TNFAIP8: variants seen among roughly 807,000 people sequenced by gnomAD.
TNFAIP8 encodes the protein tumor necrosis factor alpha-induced protein 8.
A neutral mutation model predicts 13.3 loss-of-function variants in TNFAIP8; 7 were observed. That is an observed-to-expected ratio of 0.52 (90% CI 0.30 to 0.99). The LOEUF (loss-of-function observed/expected upper bound fraction) is 0.99. Ranked by LOEUF, TNFAIP8 falls within the 50% of genes least tolerant of loss-of-function variation. TNFAIP8 has a pLI of 0.07. For missense variants in TNFAIP8, 258 were observed against 236.9 expected (o/e 1.09, Z -0.58); for synonymous variants, 94 against 87.6 (o/e 1.07, Z -0.41).
At chr5:119,360,965 T>C (rs1476590963) in intron 1 of TNFAIP8, among the ~76,000 whole-genome samples, 1 of 152,222 alleles carries the variant, frequency 6.6e-6, no homozygotes, top group African/African-American at 2.4e-5. Context: ...AGGTAAACAG[T>C]GAGCTCACTT....
chr5:119,317,995 G>T (rs1260716525), intron 1 of TNFAIP8, among the ~76,000 whole-genome samples: 1 of 152,144 alleles, frequency 6.6e-6, no homozygotes, highest in Admixed American at 6.5e-5. Flanking sequence ...TAAATAAGTT[G>T]TGTTTTTTTC....
chr5:119,286,309 A>G (rs1025299755), intron 1 of TNFAIP8, among the ~76,000 whole-genome samples: 18 of 152,070 alleles, frequency 1.2e-4, no homozygotes, highest in Admixed American at 2.6e-4. Context: ...AGAATAGTCA[A>G]TGGCTCCTAG....
At chr5:119,299,275 A>G (rs1749281689) in intron 1 of TNFAIP8, among the ~76,000 whole-genome samples, 2 of 152,018 alleles carry the variant, frequency 1.3e-5, no homozygotes, top group African/African-American at 4.8e-5. Context: ...TGATGTACAG[A>G]TGGGTTTTTG....
intron 1 of TNFAIP8, among the ~76,000 whole-genome samples, chr5:119,382,239 A>C (rs948604547): frequency 6.6e-6 from 1 of 152,106 alleles, no homozygotes; most frequent in Non-Finnish European, 1.5e-5. Context: ...CATCAGCAAA[A>C]ACTAATGTTT....
At chr5:119,315,340 T>C (rs539139893) in intron 1 of TNFAIP8, among the ~76,000 whole-genome samples, 36 of 152,200 alleles carry the variant, frequency 2.4e-4, no homozygotes, top group Non-Finnish European at 4.3e-4. Flanking sequence ...TATCTTGGCC[T>C]CCCAAAGTGC....
intron 1 of TNFAIP8, among the ~76,000 whole-genome samples, chr5:119,387,863 G>A (rs1325462962): frequency 1.3e-5 from 2 of 152,152 alleles, no homozygotes; most frequent in East Asian, 3.8e-4. Flanking sequence ...TTTTAATGTG[G>A]TGGTAATGCT....
intron 1 of TNFAIP8, among the ~76,000 whole-genome samples, chr5:119,284,484 C>T (rs1393819583): frequency 3.3e-5 from 5 of 151,990 alleles, no homozygotes; most frequent in Non-Finnish European, 7.4e-5. Context: ...AGTTCAAGAC[C>T]AGCTTGACCA....
At chr5:119,306,970 T>A (rs555985407) in intron 1 of TNFAIP8, among the ~76,000 whole-genome samples, 1 of 152,380 alleles carries the variant, frequency 6.6e-6, no homozygotes, top group South Asian at 2.1e-4. Context: ...ACAAATAGGA[T>A]CAAACTACTG....
At chr5:119,360,487 G>C (rs542419687) in intron 1 of TNFAIP8, among the ~76,000 whole-genome samples, 1 of 152,290 alleles carries the variant, frequency 6.6e-6, no homozygotes, top group African/African-American at 2.4e-5. Context: ...AGGAAGGTCT[G>C]TAGTAAGAAG....
intron 1 of TNFAIP8, among the ~76,000 whole-genome samples, chr5:119,332,432 T>C (rs758560435): frequency 3.3e-5 from 5 of 152,110 alleles, no homozygotes; most frequent in Non-Finnish European, 1.5e-5. Flanking sequence ...AACCAGACCT[T>C]GGAGAGTTTG....
At chr5:119,389,408 C>T (rs1196245333) in intron 1 of TNFAIP8, among the ~76,000 whole-genome samples, 3 of 126,622 alleles carry the variant, frequency 2.4e-5, no homozygotes, top group African/African-American at 8.6e-5. Flanking sequence ...GATGAGATCA[C>T]ACAGGGGTGA....
chr5:119,301,743 C>T lies in TNFAIP8; in HGVS notation c.1+32836C>T, dbSNP rs138584573. Reference sequence around the variant, plus strand: ...AGTCATCTTTATGTGAAAAAAACAACCAGGAATCAACCTGGAAGTATTAAG... The same window carrying T: ...AGTCATCTTTATGTGAAAAAAACAATCAGGAATCAACCTGGAAGTATTAAG... On this transcript the variant is annotated intron_variant, in intron 1 of 1. Transcript: ENST00000274456. 3.6e-3 allele frequency among the ~76,000 whole-genome samples: 553 copies of T among 152,262 alleles called. 1 individual carries two copies. The highest frequency in any genetic ancestry group is 0.012 in the African/African-American group (513 of 41,548).
intron 1 of TNFAIP8, among the ~76,000 whole-genome samples, chr5:119,382,986 A>G (rs577133847): frequency 6.6e-6 from 1 of 152,228 alleles, no homozygotes; most frequent in East Asian, 1.9e-4. Flanking sequence ...CAAAGTTAAA[A>G]TGGTTCTTTA....
chr5:119,362,374 A>C lies in TNFAIP8; in HGVS notation c.31+6253A>C, dbSNP rs569593454. Among the ~76,000 whole-genome samples the C allele has an allele frequency of 2.0e-5, 3 of 152,216 alleles. No homozygotes were observed. In the South Asian group the frequency reaches 6.2e-4, roughly 32 times the overall value. On this transcript the variant is annotated intron_variant, in intron 1 of 1. Coordinates refer to ENST00000504771, the MANE Select transcript of TNFAIP8 (RefSeq NM_014350.4). The stretch of plus-strand genomic sequence containing the variant: ...CTAGAAGCTGGACTTTCCCAGGGGG[A>C]CATTGTATGTAGGTAACAGAGATAA...
intron 1 of TNFAIP8, among the ~76,000 whole-genome samples, chr5:119,336,240 A>G (rs1047621999): frequency 1.3e-5 from 2 of 152,214 alleles, no homozygotes; most frequent in African/African-American, 4.8e-5. Context: ...ACGTAGGCCA[A>G]AGAAATCAAG....
intron 1 of TNFAIP8, among the ~76,000 whole-genome samples, chr5:119,363,138 G>A (rs556586195): frequency 2.0e-5 from 3 of 152,326 alleles, no homozygotes; most frequent in African/African-American, 7.2e-5. Flanking sequence ...GAAGAAACAA[G>A]GAGAGCATGG....
upstream of TNFAIP8, among the ~76,000 whole-genome samples, chr5:119,351,606 C>G (rs1366766289): frequency 4.6e-5 from 7 of 152,078 alleles, no homozygotes; most frequent in Non-Finnish European, 1.5e-5. Context: ...TGGTTTTATC[C>G]TGATGTAGCC....
chr5:119,346,083 G>A (rs1581624907), intron 1 of TNFAIP8, among the ~76,000 whole-genome samples: 1 of 152,276 alleles, frequency 6.6e-6, no homozygotes, highest in African/African-American at 2.4e-5. Flanking sequence ...TGCTGGAGAG[G>A]TCATGGCCTG....
At chr5:119,367,284 G>A (rs1751893828) in intron 1 of TNFAIP8, among the ~76,000 whole-genome samples, 1 of 148,528 alleles carries the variant, frequency 6.7e-6, no homozygotes, top group Non-Finnish European at 1.5e-5. Flanking sequence ...AGCAAAGAAA[G>A]GAATAATTTG....
Sources: allele counts gnomAD v4.1 joint callset (sites outside exome capture counted in the v4.1 genomes callset), GRCh38; gene constraint gnomAD v4.1.1; transcripts MANE v1.5; gene names NCBI Gene and HGNC (gene_info 2026-07-23, HGNC 2026-07-21).